Variants in GBF1 observed in about 807,000 individuals in gnomAD.
GBF1 encodes golgi brefeldin A resistant guanine nucleotide exchange factor 1.
Under a neutral mutation model 210.5 loss-of-function variants are expected in GBF1, and 114 were observed. The ratio of observed to expected loss-of-function variants is 0.54; its 90% CI spans 0.47 to 0.63. GBF1 has a LOEUF of 0.63. Ranked by LOEUF, GBF1 falls within the 30% of genes least tolerant of loss-of-function variation. The pLI is 0.00. For missense variants in GBF1, 1,851 were observed against 2,357.7 expected (o/e 0.79, Z 4.45); for synonymous variants, 850 against 889.2 (o/e 0.96, Z 0.78).
intron 1 of GBF1, among the ~76,000 whole-genome samples, chr10:102,256,076 A>G (rs185638592): frequency 1.2e-3 from 178 of 152,250 alleles, no homozygotes; most frequent in Non-Finnish European, 2.1e-3. Context: ...CTCCCTGGCA[A>G]CTGGGACTAC....
Position 102,344,161 on chromosome 10 carries a change from T to C in GBF1, c.274T>C (p.Phe92Leu), listed in dbSNP as rs1247353190. ...TGLALTSVNK[F>L]LSYALIDPTH... ...ACTGGCACTCACCTCTGTCAACAAG[T>C]TCCTGTCCTATGCACTCATAGGTAA... Residue 92 changes from phenylalanine to leucine, a missense_variant, in exon 4 of 40, where the codon TTC becomes CTC. This residue lies in a region of GBF1 where 804 missense variants were observed against 958.6 expected (regional missense o/e 0.84). Coordinates refer to ENST00000369983, the MANE Select transcript of GBF1 (RefSeq NM_001377137.1). The C allele has an allele frequency of 1.9e-6, 3 of 1,613,984 alleles. No individual in the cohort carries two copies. The highest frequency in any genetic ancestry group is 2.2e-5 in the East Asian group (1 of 44,878).
chr10:102,363,275 T>C lies in GBF1; in HGVS notation c.1896T>C (p.Asp632=). ...EASNTERTAS[D]GKAVGMASDI... is the part of the protein sequence containing the mutation. ...TACCAGCTGAGAGAACTGCCAGCGATGGGAAAGCTGTAGGCATGGCCTCAG... is the reference window on the plus strand; with the variant it reads ...TACCAGCTGAGAGAACTGCCAGCGACGGGAAAGCTGTAGGCATGGCCTCAG... The change falls in exon 16 of 40, where the codon GAT becomes GAC. Residue 632 remains aspartate, a synonymous_variant. Coordinates refer to ENST00000369983, the MANE Select transcript of GBF1 (RefSeq NM_001377137.1). The surrounding 1 kb of genome is among the most constrained non-coding windows in gnomAD (Gnocchi z 4.2). 1 of 1,613,292 alleles carries C rather than the reference T, an allele frequency of 6.2e-7. No individual in the cohort carries two copies. Among genetic ancestry groups the C allele is most frequent in the Non-Finnish European group, 8.5e-7 (1 of 1,179,646 alleles).
intron 3 of GBF1, among the ~76,000 whole-genome samples, chr10:102,267,302 C>CG (rs1214247953): frequency 1.3e-5 from 2 of 152,082 alleles, no homozygotes; most frequent in African/African-American, 4.8e-5. Context: ...GTCAGCAGTT[C>CG]GAGACCAGCC....
rs2295586 is a variant in GBF1 at position 102,376,245 on chromosome 10, C to T, written c.3887-27C>T. 2.0e-3 allele frequency: 3,135 copies of T among 1,605,490 alleles called. 55 individuals are homozygous for T. In the East Asian group the frequency reaches 0.05, roughly 26 times the overall value. On this transcript the variant is annotated intron_variant, in intron 30 of 39. Transcript: ENST00000369983. ...TCCCAGTGCCCCATCCCCACCCTGA[C>T]TCTGCCCTTCTCCCTGCCTACCATA... is the stretch of plus-strand genomic sequence containing the variant.
At chr10:102,368,152 T>C in intron 21 of GBF1, 66 bp from the exon 22 acceptor site, 1 of 995,428 alleles carries the variant, frequency 1.0e-6, no homozygotes, top group Non-Finnish European at 1.6e-6. Context: ...GATGAACTCC[T>C]AGTCTTGGTT....
At chr10:102,235,184 C>CCG in the GBF1 span, among the ~76,000 whole-genome samples, 2 of 143,124 alleles carry the variant, frequency 1.4e-5, no homozygotes, top group Admixed American at 6.9e-5. Context: ...CCCCCACCCC[C>CCG]CCACCGCCTC....
intron 3 of GBF1, among the ~76,000 whole-genome samples, chr10:102,316,084 CTTT>C (rs912378779): frequency 7.5e-6 from 1 of 133,104 alleles, no homozygotes; most frequent in East Asian, 2.1e-4. Context: ...CTTCCCTCCA[CTTT>C]TTTTTTTTTT....
At chr10:102,256,730 G>T (rs904611166) in intron 1 of GBF1, among the ~76,000 whole-genome samples, 1 of 152,064 alleles carries the variant, frequency 6.6e-6, no homozygotes, top group African/African-American at 2.4e-5. Context: ...TGTTGGCCAG[G>T]TTGGTCTCGA....
At chr10:102,312,840 C>CT (rs1323490748) in intron 3 of GBF1, among the ~76,000 whole-genome samples, 6 of 152,176 alleles carry the variant, frequency 3.9e-5, no homozygotes, top group African/African-American at 1.4e-4. Flanking sequence ...GTTGCTTTCT[C>CT]TGTCTGTGTC....
At chr10:102,337,805 C>T (rs1449381864) in intron 3 of GBF1, among the ~76,000 whole-genome samples, 3 of 151,880 alleles carry the variant, frequency 2.0e-5, no homozygotes, top group Non-Finnish European at 2.9e-5. Context: ...TGCAGTGAAC[C>T]GAGATCACAC....
At chr10:102,272,304 C>T (rs1284467193) in intron 3 of GBF1, among the ~76,000 whole-genome samples, 4 of 152,122 alleles carry the variant, frequency 2.6e-5, no homozygotes, top group Non-Finnish European at 5.9e-5. Context: ...AGAGTTTCGC[C>T]ATGTTGGCCA....
At chr10:102,272,671 T>A (rs2074553450) in intron 3 of GBF1, among the ~76,000 whole-genome samples, 1 of 152,236 alleles carries the variant, frequency 6.6e-6, no homozygotes, top group Admixed American at 6.5e-5. Flanking sequence ...GCTAGCATTT[T>A]CTGTAAAGAA....
intron 3 of GBF1, among the ~76,000 whole-genome samples, chr10:102,329,528 A>G (rs550100111): frequency 7.9e-5 from 12 of 152,236 alleles, no homozygotes; most frequent in African/African-American, 2.9e-4. Context: ...CAGTGGCACA[A>G]TCTCGGCTCA....
At chr10:102,247,562 G>A (rs2071002932) in intron 1 of GBF1, among the ~76,000 whole-genome samples, 1 of 152,200 alleles carries the variant, frequency 6.6e-6, no homozygotes, top group Admixed American at 6.5e-5. Flanking sequence ...TGGGTAGGCA[G>A]TGTGATCAAT....
rs2072845265 is a variant in GBF1 at position 102,259,024 on chromosome 10, A to G, written c.86A>G (p.His29Arg). Residue 29 changes from histidine (H) to arginine (R), a missense_variant, in exon 2 of 40, where the codon CAT becomes CGT. Coordinates refer to ENST00000369983, the MANE Select transcript of GBF1 (RefSeq NM_001377137.1). Reference protein sequence around the residue: ...AIKRNARWSTHTPLDEERDPL... With the variant: ...AIKRNARWSTRTPLDEERDPL... ...AAACGAAATGCCCGATGGAGCACCC[A>G]TACACCACTGGTAAGTGGGAAATGG... 1 of 1,551,952 alleles carries G rather than the reference A, an allele frequency of 6.4e-7. No individual in the cohort carries two copies. The highest frequency in any genetic ancestry group is 8.9e-7 in the Non-Finnish European group (1 of 1,123,242).
At chr10:102,235,133 C>T in the GBF1 span, among the ~76,000 whole-genome samples, 3 of 150,418 alleles carry the variant, frequency 2.0e-5, no homozygotes, top group Non-Finnish European at 2.9e-5. Context: ...GGACAGCTGC[C>T]GGGGCTGTTT....
At chr10:102,289,488 G>A (rs755674066) in intron 3 of GBF1, among the ~76,000 whole-genome samples, 29 of 152,316 alleles carry the variant, frequency 1.9e-4, no homozygotes, top group Non-Finnish European at 3.8e-4. Context: ...TACTTGGGAG[G>A]CTAAGGCAAG....
intron 20 of GBF1, 121 bp downstream of exon 20, chr10:102,367,331 C>A: frequency 8.1e-7 from 1 of 1,237,204 alleles, no homozygotes; most frequent in Non-Finnish European, 1.2e-6. Flanking sequence ...TCAGGAAGGG[C>A]TGGCCAACCT....
intron 17 of GBF1, among the ~76,000 whole-genome samples, chr10:102,364,414 C>T (rs757070560): frequency 9.4e-5 from 14 of 148,460 alleles, no homozygotes; most frequent in African/African-American, 2.7e-4. Flanking sequence ...TTAGTAGAGA[C>T]GGGGTTTCAC....
Sources: gnomAD v4.1 joint callset for allele counts (sites outside exome capture counted in the v4.1 genomes callset) on GRCh38, gnomAD v4.1.1 for gene constraint, gnomAD v4.1.1 regional missense constraint, Gnocchi (gnomAD v3.1) non-coding constraint, MANE v1.5 for transcripts, NCBI Gene and HGNC (gene_info 2026-07-23, HGNC 2026-07-21) for gene names.